HUWE1: variants seen among roughly 807,000 people sequenced by gnomAD.
The protein encoded by HUWE1 is HECT, UBA and WWE domain containing E3 ubiquitin protein ligase 1, also known as E3 ubiquitin-protein ligase HUWE1.
Under a neutral mutation model 299.4 loss-of-function variants are expected in HUWE1, and 18 were observed. That is an observed-to-expected ratio of 0.06 (90% confidence interval 0.04 to 0.09). The LOEUF (loss-of-function observed/expected upper bound fraction) is 0.09, where lower values mean the gene tolerates loss of function less well. HUWE1 is among the 10% of genes least tolerant of loss of function. The pLI is 1.00. For synonymous variants in HUWE1, 1,317 were observed against 1,286.1 expected (o/e 1.02, Z -0.51); for missense variants, 1,832 against 3,462.3 (o/e 0.53, Z 11.82).
intron 19 of HUWE1, among the ~76,000 whole-genome samples, chrX:53,620,792 C>T (rs781950931): frequency 1.8e-4 from 20 of 111,526 alleles, no homozygotes; most frequent in Non-Finnish European, 3.6e-4. Flanking sequence ...CTTAACGACA[C>T]CTCCTCATTT....
intron 3 of HUWE1, among the ~76,000 whole-genome samples, chrX:53,655,271 C>T (rs1386145932): frequency 9.1e-6 from 1 of 109,594 alleles, no homozygotes; most frequent in African/African-American, 3.3e-5. Flanking sequence ...TAAAGCTGAC[C>T]AATTACAGTA....
At chrX:53,625,573 T>A in intron 17 of HUWE1, 1 of 220,868 alleles carries the variant, frequency 4.5e-6, no homozygotes, top group Non-Finnish European at 8.2e-6. Flanking sequence ...ATGGCTGTTT[T>A]GATAATCAAT....
intron 33 of HUWE1, among the ~76,000 whole-genome samples, chrX:53,591,968 C>T (rs1442341776): frequency 8.9e-6 from 1 of 112,188 alleles, no homozygotes; most frequent in Non-Finnish European, 1.9e-5. Flanking sequence ...TTCCCCTCTC[C>T]TCTTTCTGGC....
Position 53,546,527 on chromosome X carries a change from G to C in HUWE1, c.10824C>G (p.Leu3608=), listed in dbSNP as rs191407530. The C allele has an allele frequency of 1.1e-4, 134 of 1,207,255 alleles. No individual in the cohort carries two copies. The East Asian group carries it at 3.6e-3, about 32-fold the overall frequency. The stretch of plus-strand genomic sequence containing the variant: ...CCCGGGTCCCAGAGTCCCCCCGGGA[G>C]AGCTGCAGTAGTACGTTGGCTGCAT... ...LEDAANVLLQ[L]SRGDSGTRDT... Residue 3608 remains leucine (L), a synonymous_variant, in exon 70 of 84, where the codon CTC becomes CTG. Coordinates refer to ENST00000262854, the MANE Select transcript of HUWE1 (RefSeq NM_031407.7).
chrX:53,622,956 T>C (rs1359882798), intron 19 of HUWE1, among the ~76,000 whole-genome samples: 3 of 111,927 alleles, frequency 2.7e-5, no homozygotes, highest in Non-Finnish European at 5.6e-5. Context: ...ATTTGTTCTC[T>C]CTCAAGTACA....
chrX:53,554,265 C>A (rs1191137819), intron 61 of HUWE1, among the ~76,000 whole-genome samples: 1 of 110,288 alleles, frequency 9.1e-6, no homozygotes, highest in Non-Finnish European at 1.9e-5. Flanking sequence ...GTCTATGTTG[C>A]CCAGGCTGGT....
At chrX:53,682,269 T>C (rs1391695058) in intron 2 of HUWE1, among the ~76,000 whole-genome samples, 2 of 112,000 alleles carry the variant, frequency 1.8e-5, no homozygotes, top group African/African-American at 6.5e-5. Context: ...ATTCCCATTA[T>C]ATAGATGAAC....
At position 53,533,100 on chromosome X, in the gene HUWE1, G is replaced by T; in HGVS notation, c.*209C>A. The stretch of plus-strand genomic sequence containing the variant: ...GGGATCATGGACGGCATGGAAAGGG[G>T]AGAGAAGGTGAGGAAACAGGCGGCG... On this transcript the variant is annotated 3_prime_UTR_variant, in exon 84 of 84. Transcript: ENST00000262854. 2.3e-6 allele frequency: 1 copy of T among 434,720 alleles called. No individual in the cohort carries two copies. 35.8% of individuals were successfully genotyped at this position (434,720 alleles called of 1,213,427 possible).
intron 23 of HUWE1, among the ~76,000 whole-genome samples, chrX:53,613,599 C>T: frequency 9.0e-6 from 1 of 111,636 alleles, no homozygotes; most frequent in Middle Eastern, 4.6e-3. Context: ...CTCAAAGAGC[C>T]TGGTGGACTA....
At chrX:53,534,925 G>T (rs1246355687) in intron 81 of HUWE1, among the ~76,000 whole-genome samples, 2 of 109,115 alleles carry the variant, frequency 1.8e-5, no homozygotes, top group African/African-American at 6.7e-5. Context: ...TGTGTCCAGT[G>T]AAGTTAAGCT....
At chrX:53,681,986 A>C (rs992890271) in intron 2 of HUWE1, among the ~76,000 whole-genome samples, 1 of 111,666 alleles carries the variant, frequency 9.0e-6, no homozygotes, top group Non-Finnish European at 1.9e-5. Flanking sequence ...AACATCATGA[A>C]CCACTGGAGA....
At chrX:53,624,122 T>C (rs1423810534) in intron 19 of HUWE1, among the ~76,000 whole-genome samples, 1 of 111,651 alleles carries the variant, frequency 9.0e-6, no homozygotes, top group African/African-American at 3.3e-5. Context: ...TTTATATCCT[T>C]GCAGGATTTT....
chrX:53,543,800 GGA>G lies in HUWE1; in HGVS notation c.11379+39_11379+40del, dbSNP rs1569415542. 4 of 1,208,629 alleles carry G rather than the reference GGA, an allele frequency of 3.3e-6. No individual in the cohort carries two copies. The African/African-American group carries it at 5.2e-5, about 16-fold the overall frequency. On this transcript the variant is annotated intron_variant, in intron 73 of 83. Coordinates refer to ENST00000262854, the MANE Select transcript of HUWE1 (RefSeq NM_031407.7). The stretch of plus-strand genomic sequence containing the variant: ...CTGATGACATGGTGGGGGGATGAGT[GGA>G]GAGACAAATGAATGAGGGGCCACAG...
At chrX:53,545,569 A>C (rs188263701) in intron 70 of HUWE1, among the ~76,000 whole-genome samples, 1 of 111,961 alleles carries the variant, frequency 8.9e-6, no homozygotes, top group Non-Finnish European at 1.9e-5. Context: ...GCCTAACCTC[A>C]TAACGTTGCT....
chrX:53,645,733 AAAAATATATATAT>A (rs1326505048), intron 6 of HUWE1, among the ~76,000 whole-genome samples: 3,203 of 19,205 alleles, frequency 0.17, 90 homozygotes, highest in Middle Eastern at 0.29. Flanking sequence ...AAAAAAAAAA[AAAAATATATATAT>A]ATATATATAT....
chrX:53,579,713 G>A (rs1371858953), intron 43 of HUWE1, among the ~76,000 whole-genome samples: 3 of 98,057 alleles, frequency 3.1e-5, no homozygotes, highest in East Asian at 3.2e-4. Context: ...TAAGGGCGGT[G>A]CAAGATGTGC....
intron 7 of HUWE1, among the ~76,000 whole-genome samples, chrX:53,641,183 C>A (rs868995192): frequency 8.9e-6 from 1 of 111,896 alleles, no homozygotes; most frequent in East Asian, 2.8e-4. Flanking sequence ...TTCTAAGCAA[C>A]ATAAGGTATA....
rs373465190 is a variant in HUWE1 at position 53,589,718 on chromosome X, C to T, written c.4290G>A (p.Pro1430=). 40 of 1,209,395 alleles carry T rather than the reference C, an allele frequency of 3.3e-5. No individual in the cohort carries two copies. The highest frequency in any genetic ancestry group is 4.2e-5 in the Non-Finnish European group (38 of 894,898). Reference sequence around the variant, plus strand: ...AAGTGTGGAGCTCATCTTGTTCCAACGGGTCAGCATCCTGGAACTTCTCTA... The same window carrying T: ...AAGTGTGGAGCTCATCTTGTTCCAATGGGTCAGCATCCTGGAACTTCTCTA... ...KCLEKFQDAD[P]LEQDELHTFT... is the part of the protein sequence containing the mutation. The change falls in exon 36 of 84, where the codon CCG becomes CCA. Residue 1430 remains proline (P), a synonymous_variant. Transcript: ENST00000262854.
chrX:53,574,881 C>T (rs1431688434), intron 46 of HUWE1, among the ~76,000 whole-genome samples: 1 of 111,686 alleles, frequency 9.0e-6, no homozygotes, highest in Non-Finnish European at 1.9e-5. Context: ...TTTTTAGAAA[C>T]CCCCCAAATA....
Sources: gnomAD v4.1 joint callset for allele counts (sites outside exome capture counted in the v4.1 genomes callset) on GRCh38, gnomAD v4.1.1 for gene constraint, MANE v1.5 for transcripts, NCBI Gene and HGNC (gene_info 2026-07-23, HGNC 2026-07-21) for gene names.